The following PCDHGA2 variants were observed in gnomAD, a reference collection of about 807,000 sequenced individuals.
PCDHGA2 encodes the protein protocadherin gamma-A2.
Under a neutral mutation model 59.2 loss-of-function variants are expected in PCDHGA2, and 40 were observed. The observed-to-expected ratio is 0.68, with a 90% CI of 0.52 to 0.88. The LOEUF (loss-of-function observed/expected upper bound fraction) is 0.88. Ranked by LOEUF, PCDHGA2 falls within the 40% of genes least tolerant of loss-of-function variation. The pLI is 0.00. For synonymous variants in PCDHGA2, 560 were observed against 526.0 expected (o/e 1.06, Z -0.89); for missense variants, 1,226 against 1,204.0 (o/e 1.02, Z -0.27).
chr5:141,371,829 C>G (rs763758826), intron 1 of PCDHGA2: 13 of 1,613,692 alleles, frequency 8.1e-6, no homozygotes, highest in Non-Finnish European at 1.0e-5. Flanking sequence ...AGCCTCGGAT[C>G]CCGACTTGGG....
rs757707945 is a variant in PCDHGA2 at position 141,399,045 on chromosome 5, A to C, written c.2424+57650A>C. On this transcript the variant is annotated intron_variant, in intron 1 of 3. Coordinates refer to ENST00000394576, the MANE Select transcript of PCDHGA2 (RefSeq NM_018915.4). ...CCACTCAAAAGAAACTGGATTTTGAAGAGACCAAGGAATATTCAATGGTTG... is the reference window on the plus strand; with the variant it reads ...CCACTCAAAAGAAACTGGATTTTGACGAGACCAAGGAATATTCAATGGTTG... The C allele has an allele frequency of 3.1e-6, 5 of 1,613,878 alleles. No individual in the cohort carries two copies. The Admixed American group carries it at 5.0e-5, about 16-fold the overall frequency.
At chr5:141,370,971 G>T in intron 1 of PCDHGA2, 1 of 1,614,016 alleles carries the variant, frequency 6.2e-7, no homozygotes, top group Non-Finnish European at 8.5e-7. Context: ...TAGGTACCCA[G>T]AGCTAGTACT....
Position 141,491,205 on chromosome 5 carries a change from A to G in PCDHGA2, c.2425-3602A>G, listed in dbSNP as rs2233609. 2,395 of 1,613,578 alleles carry G rather than the reference A, an allele frequency of 1.5e-3. 36 individuals are homozygous for G. The African/African-American group carries it at 0.028, about 19-fold the overall frequency. On this transcript the variant is annotated intron_variant, in intron 1 of 3. Coordinates refer to ENST00000394576, the MANE Select transcript of PCDHGA2 (RefSeq NM_018915.4). This position sits in a 1 kb window ranked among gnomAD's most constrained non-coding sequence, Gnocchi z 6.9. The stretch of plus-strand genomic sequence containing the variant: ...TGGTGAGGGACAATGGTGACCCTTC[A>G]CTCTCCTCCACAGCCACAGTGCTGC...
intron 1 of PCDHGA2, among the ~76,000 whole-genome samples, chr5:141,467,330 G>T (rs1335387199): frequency 6.6e-6 from 1 of 152,138 alleles, no homozygotes; most frequent in East Asian, 1.9e-4. Context: ...TGGGATTAGA[G>T]ACGTAAGCCA....
At chr5:141,383,865 A>C in intron 1 of PCDHGA2, 3 of 1,614,012 alleles carry the variant, frequency 1.9e-6, no homozygotes, top group Non-Finnish European at 2.5e-6. Context: ...TTCAGGCTCA[A>C]GATGGTCCTG....
At position 141,449,274 on chromosome 5, in the gene PCDHGA2, T is replaced by C. The variant is rs569352843; in HGVS notation, c.2425-45533T>C. 3.9e-5 allele frequency among the ~76,000 whole-genome samples: 6 copies of C among 152,260 alleles called. No individual in the cohort carries two copies. In the East Asian group the frequency reaches 1.2e-3, roughly 29 times the overall value. On this transcript the variant is annotated intron_variant, in intron 1 of 3. Transcript: ENST00000394576. ...GAATTGTACAAAGAACTGTATCTCC[T>C]TCACCCGGATGCACCGGGTGAATTA...
intron 1 of PCDHGA2, among the ~76,000 whole-genome samples, chr5:141,445,318 G>T (rs182520609): frequency 2.0e-4 from 30 of 152,306 alleles, no homozygotes; most frequent in African/African-American, 7.2e-4. Context: ...TAGGTTGAGA[G>T]AACCCATCCA....
intron 1 of PCDHGA2, chr5:141,389,942 G>T: frequency 1.2e-6 from 2 of 1,614,070 alleles, no homozygotes; most frequent in African/African-American, 2.7e-5. Flanking sequence ...AGGCTGAGCT[G>T]CAGTTTTACC....
chr5:141,355,143 T>C, intron 1 of PCDHGA2: 1 of 1,525,970 alleles, frequency 6.6e-7, no homozygotes, highest in Non-Finnish European at 8.8e-7. Context: ...ATCCTGGGGC[T>C]CCTCAGGCCT....
Position 141,485,395 on chromosome 5 carries a change from C to T in PCDHGA2, c.2425-9412C>T. On this transcript the variant is annotated intron_variant, in intron 1 of 3. Coordinates refer to ENST00000394576, the MANE Select transcript of PCDHGA2 (RefSeq NM_018915.4). The surrounding 1 kb of genome is among the most constrained non-coding windows in gnomAD (Gnocchi z 5.7). Reference sequence around the variant, plus strand: ...TCGCTGGAGAGGTGAACCAAAGACACTTCCGTGTGGATTTGGACAGCGGAG... The same window carrying T: ...TCGCTGGAGAGGTGAACCAAAGACATTTCCGTGTGGATTTGGACAGCGGAG... 5 of 1,614,154 alleles carry T rather than the reference C, an allele frequency of 3.1e-6. No homozygotes were observed. Among genetic ancestry groups the T allele is most frequent in the Non-Finnish European group, 3.4e-6 (4 of 1,180,026 alleles).
intron 1 of PCDHGA2, chr5:141,383,281 G>C: frequency 6.2e-7 from 1 of 1,613,922 alleles, no homozygotes; most frequent in Non-Finnish European, 8.5e-7. Context: ...AGATATTAAT[G>C]ACAACGTTCC....
chr5:141,351,110 A>G lies in PCDHGA2; in HGVS notation c.2424+9715A>G, dbSNP rs1185497044. 5 of 1,613,972 alleles carry G rather than the reference A, an allele frequency of 3.1e-6. No individual in the cohort carries two copies. In the South Asian group the frequency reaches 5.5e-5, roughly 18 times the overall value. ...CTATGCCTTCCTCAATTCCCCAATA[A>G]GTACCAGCCTCTTCAATCTCAATCC... is the stretch of plus-strand genomic sequence containing the variant. On this transcript the variant is annotated intron_variant, in intron 1 of 3. Transcript: ENST00000394576.
At chr5:141,415,749 T>TG in intron 1 of PCDHGA2, 2 of 1,214,000 alleles carry the variant, frequency 1.6e-6, no homozygotes, top group Non-Finnish European at 1.1e-6. Context: ...GGTTTTTTTT[T>TG]TTTTTTTTTT....
intron 1 of PCDHGA2, chr5:141,366,822 T>C: frequency 6.5e-7 from 1 of 1,538,974 alleles, no homozygotes; most frequent in Non-Finnish European, 8.8e-7. Flanking sequence ...TTCTGTCATA[T>C]TCAGAATCAG....
Position 141,487,003 on chromosome 5 carries a change from C to T in PCDHGA2, c.2425-7804C>T. The stretch of plus-strand genomic sequence containing the variant: ...ACAATGCTTGGGTTTCCTATCAGCT[C>T]CTGGAGGCCCCAGATCCCAGCCTGT... On this transcript the variant is annotated intron_variant, in intron 1 of 3. Transcript: ENST00000394576. The surrounding 1 kb of genome is among the most constrained non-coding windows in gnomAD (Gnocchi z 5.0). 1 of 1,614,228 alleles carries T rather than the reference C, an allele frequency of 6.2e-7. No homozygotes were observed.
chr5:141,393,186 G>C, intron 1 of PCDHGA2: 2 of 1,613,306 alleles, frequency 1.2e-6, no homozygotes, highest in East Asian at 4.5e-5. Context: ...AGAAATAATT[G>C]ATATTAACGA....
chr5:141,389,628 C>T (rs2091851910), intron 1 of PCDHGA2: 1 of 1,613,000 alleles, frequency 6.2e-7, no homozygotes, highest in Non-Finnish European at 8.5e-7. Context: ...CGCTGCAGAG[C>T]CTGGCTACTT....
intron 1 of PCDHGA2, chr5:141,421,255 C>A (rs759899934): frequency 1.9e-6 from 3 of 1,607,644 alleles, no homozygotes; most frequent in Non-Finnish European, 2.5e-6. Context: ...GCGCGGGGAC[C>A]GCAGTCGGCT....
At chr5:141,488,134 A>G (rs546928916) in intron 1 of PCDHGA2, among the ~76,000 whole-genome samples, 1 of 152,332 alleles carries the variant, frequency 6.6e-6, no homozygotes, top group African/African-American at 2.4e-5. Flanking sequence ...GAAAGAGGAG[A>G]GAACTAAAGG....
Sources: allele counts gnomAD v4.1 joint callset (sites outside exome capture counted in the v4.1 genomes callset), GRCh38; gene constraint gnomAD v4.1.1; non-coding constraint Gnocchi (gnomAD v3.1); transcripts MANE v1.5; gene names NCBI Gene and HGNC (gene_info 2026-07-23, HGNC 2026-07-21).